Variants in PKD2L2 observed in about 807,000 individuals in gnomAD.
PKD2L2 encodes polycystin 2 like 2, transient receptor potential cation channel.
Under a neutral mutation model 83.9 loss-of-function variants are expected in PKD2L2, and 67 were observed. The ratio of observed to expected loss-of-function variants is 0.80; its 90% confidence interval spans 0.66 to 0.98. PKD2L2 has a LOEUF of 0.98. PKD2L2 is among the 50% of genes least tolerant of loss of function. The pLI is 0.00. For synonymous variants in PKD2L2, 223 were observed against 237.8 expected, an observed-to-expected ratio of 0.94 and a Z score of 0.57; for missense variants, 632 against 717.2, an observed-to-expected ratio of 0.88 and a Z score of 1.36.
chr5:137,926,701 C>T (rs571313742), intron 12 of PKD2L2, among the ~76,000 whole-genome samples: 1 of 152,330 alleles, frequency 6.6e-6, no homozygotes, highest in African/African-American at 2.4e-5. Flanking sequence ...GGGGCTCCTT[C>T]GAGGTCTCGC....
intron 14 of PKD2L2, chr5:137,940,309 C>T (rs1368057199): frequency 1.9e-6 from 3 of 1,609,024 alleles, no homozygotes; most frequent in African/African-American, 1.3e-5. Context: ...ACTCTCTGTA[C>T]TCCTCAAGCA....
chr5:137,917,638 CTTTA>C (rs1399293136), intron 8 of PKD2L2, among the ~76,000 whole-genome samples: 5 of 151,906 alleles, frequency 3.3e-5, no homozygotes, highest in Admixed American at 3.3e-4. Flanking sequence ...TAGGTTTTCT[CTTTA>C]TTGATATTTC....
At chr5:137,939,002 G>A (rs1203132209) in intron 14 of PKD2L2, 1 of 152,096 alleles carries the variant, frequency 6.6e-6, no homozygotes, top group Non-Finnish European at 1.5e-5. Flanking sequence ...TCACCATTCT[G>A]TAACAATGAT....
chr5:137,935,995 C>A, intron 13 of PKD2L2, 86 bp downstream of exon 13: 1 of 801,800 alleles, frequency 1.2e-6, no homozygotes, highest in Non-Finnish European at 2.1e-6. Flanking sequence ...TTTCCTGAAC[C>A]CAAAACTTTA....
intron 12 of PKD2L2, among the ~76,000 whole-genome samples, chr5:137,930,865 G>A (rs1364332851): frequency 6.6e-6 from 1 of 151,854 alleles, no homozygotes. Context: ...CAAGAAAAAA[G>A]TTATTAAGAT....
chr5:137,890,299 T>G (rs1347689227), intron 1 of PKD2L2, 182 bp from the exon 2 acceptor site: 1 of 493,054 alleles, frequency 2.0e-6, no homozygotes, highest in African/African-American at 2.0e-5. Context: ...AAATCTGTTA[T>G]TAATAGTATA....
Position 137,936,381 on chromosome 5 carries a change from C to A in PKD2L2, c.1846C>A (p.Gln616Lys). 6.5e-7 allele frequency: 1 copy of A among 1,534,142 alleles called. No individual in the cohort carries two copies. The highest frequency in any genetic ancestry group is 1.2e-5 in the South Asian group (1 of 83,992). The change falls in exon 14 of 15, where the codon CAA (glutamine) becomes AAA (lysine). Residue 616 changes from glutamine to lysine, a missense_variant. Physicochemically the swap from Gln to Lys is moderately conservative, Grantham distance 53 (BLOSUM62 1). Around this residue, in one of 3 missense-constraint regions of PKD2L2, gnomAD observed 399 missense variants for 416.9 expected, o/e 0.96. Transcript: ENST00000508883. ...ELHYINLKLN[Q>K]VVRKVSAL ...ACACTACATCAATTTGAAGCTAAAT[C>A]AAGTGGTGAGAAAGGTTTCAGCTCT...
At chr5:137,914,145 C>T (rs1758115699) in intron 8 of PKD2L2, among the ~76,000 whole-genome samples, 1 of 146,210 alleles carries the variant, frequency 6.8e-6, no homozygotes, top group Admixed American at 7.1e-5. Context: ...CCGTCTTGGC[C>T]TCCCAAAGTG....
chr5:137,916,575 G>A (rs982760363), intron 8 of PKD2L2, among the ~76,000 whole-genome samples: 1 of 148,460 alleles, frequency 6.7e-6, no homozygotes, highest in African/African-American at 2.5e-5. Flanking sequence ...AATTTCCAAG[G>A]TTCAAGTGAT....
chr5:137,919,039 T>C (rs1362761457), intron 8 of PKD2L2, among the ~76,000 whole-genome samples: 5 of 151,882 alleles, frequency 3.3e-5, no homozygotes, highest in African/African-American at 1.2e-4. Context: ...GGAGCCTGAA[T>C]TGCTACACCC....
chr5:137,931,740 T>C (rs1759896364), intron 12 of PKD2L2, among the ~76,000 whole-genome samples: 1 of 152,138 alleles, frequency 6.6e-6, no homozygotes. Flanking sequence ...AGGGACAAGA[T>C]AGTGATGTAT....
rs17171600 is a variant in PKD2L2, at chr5:137,894,637, T to C, written c.524+28T>C. ...AAGTAGCATAAAATTATACTGTAAC[T>C]TTTTCTAGCATTTACTGTTGTATCT... On this transcript the variant is annotated intron_variant, in intron 4 of 14. Transcript: ENST00000508883. 2,364 of 1,554,688 alleles carry C rather than the reference T, an allele frequency of 1.5e-3. 23 individuals are homozygous for C. In the African/African-American group the frequency reaches 0.029, roughly 19 times the overall value.
intron 12 of PKD2L2, among the ~76,000 whole-genome samples, chr5:137,933,933 A>G (rs1760090839): frequency 6.6e-6 from 1 of 152,190 alleles, no homozygotes; most frequent in Non-Finnish European, 1.5e-5. Flanking sequence ...AGTTTAAGTC[A>G]ATTGTTGTGC....
intron 5 of PKD2L2, among the ~76,000 whole-genome samples, chr5:137,904,174 A>T (rs961033944): frequency 6.6e-6 from 1 of 152,148 alleles, no homozygotes; most frequent in African/African-American, 2.4e-5. Flanking sequence ...AGGGCTTCGG[A>T]TGTTTTTTAA....
chr5:137,930,640 T>G (rs1344900312), intron 12 of PKD2L2, among the ~76,000 whole-genome samples: 1 of 144,464 alleles, frequency 6.9e-6, no homozygotes, highest in Non-Finnish European at 1.5e-5. Context: ...CAATCCAGCC[T>G]GGGTGACAAA....
At chr5:137,919,861 G>A (rs1009216502) in intron 8 of PKD2L2, among the ~76,000 whole-genome samples, 3 of 152,168 alleles carry the variant, frequency 2.0e-5, no homozygotes, top group African/African-American at 7.2e-5. Flanking sequence ...AGCAATAAGG[G>A]ACAAGCAGGC....
intron 9 of PKD2L2, among the ~76,000 whole-genome samples, chr5:137,922,514 G>A (rs1759003068): frequency 6.6e-6 from 1 of 152,154 alleles, no homozygotes; most frequent in Non-Finnish European, 1.5e-5. Context: ...GAGGCAGGCG[G>A]ATCGCTTGAG....
chr5:137,929,512 T>C (rs559007305), intron 12 of PKD2L2, among the ~76,000 whole-genome samples: 1 of 89,082 alleles, frequency 1.1e-5, no homozygotes, highest in South Asian at 3.3e-4. Context: ...AAAATACATA[T>C]ATTTCTATAG....
intron 14 of PKD2L2, among the ~76,000 whole-genome samples, chr5:137,937,474 GA>G (rs1431457421): frequency 6.6e-6 from 1 of 152,172 alleles, no homozygotes; most frequent in Admixed American, 6.5e-5. Context: ...TTGGAAATTG[GA>G]GAGAAACTCT....
Sources: gnomAD v4.1 joint callset for allele counts (sites outside exome capture counted in the v4.1 genomes callset) on GRCh38, gnomAD v4.1.1 for gene constraint, gnomAD v4.1.1 regional missense constraint, MANE v1.5 for transcripts, NCBI Gene and HGNC (gene_info 2026-07-23, HGNC 2026-07-21) for gene names.